The following LRAT variants were observed in gnomAD, a reference collection of about 807,000 sequenced individuals.
The protein encoded by LRAT is lecithin retinol acyltransferase (phosphatidylcholine--retinol O-acyltransferase).
Under a neutral mutation model 14.2 loss-of-function variants are expected in LRAT, and 11 were observed. That is an observed-to-expected ratio of 0.78 (90% CI 0.49 to 1.29). The LOEUF is 1.29. Among genes scored for constraint, LRAT ranks in the 50% most tolerant of loss-of-function variants. The probability of loss-of-function intolerance (pLI) is 0.00; values close to 1 mark genes in which losing one functional copy is unlikely to be tolerated. For synonymous variants in LRAT, 144 were observed against 124.8 expected, an observed-to-expected ratio of 1.15 and a Z score of -1.03; for missense variants, 274 against 292.4, an observed-to-expected ratio of 0.94 and a Z score of 0.46.
Position 154,744,154 on chromosome 4 carries a change from C to T in LRAT, c.-70C>T, listed in dbSNP as rs1004214159. 2 of 663,674 alleles carry T rather than the reference C, an allele frequency of 3.0e-6. No homozygotes were observed. The highest frequency in any genetic ancestry group is 2.6e-6 in the Non-Finnish European group (1 of 381,584). The allele number at this position is 663,674 out of a possible 1,614,324, so 41.1% of individuals were successfully genotyped here. A position where few individuals can be genotyped will look rare whatever the true frequency, so the allele number is the denominator to read the frequency against. ...CTTGGCTGAGCCGGTCGCCAGGCCT[C>T]GCTGTCCTCCTTTGCCTTCCTCTCT... On this transcript the variant is annotated 5_prime_UTR_variant, in exon 1 of 3. Transcript: ENST00000336356.
upstream of LRAT, among the ~76,000 whole-genome samples, chr4:154,743,703 G>T (rs1009599064): frequency 5.9e-5 from 9 of 152,068 alleles, no homozygotes; most frequent in African/African-American, 2.2e-4. Flanking sequence ...ACTCGCCCCA[G>T]TCCCGACAGG....
chr4:154,745,918 A>G (rs1168986790), intron 2 of LRAT, among the ~76,000 whole-genome samples: 1 of 152,184 alleles, frequency 6.6e-6, no homozygotes, highest in Non-Finnish European at 1.5e-5. Flanking sequence ...GGTAGATTAC[A>G]TTGTTTATGG....
chr4:154,741,055 A>C (rs1257619748), upstream of LRAT, among the ~76,000 whole-genome samples: 1 of 152,202 alleles, frequency 6.6e-6, no homozygotes, highest in African/African-American at 2.4e-5. Context: ...TAAGCCTATT[A>C]GTGTGTAAAC....
upstream of LRAT, among the ~76,000 whole-genome samples, chr4:154,743,393 C>T (rs965416985): frequency 6.6e-6 from 1 of 151,936 alleles, no homozygotes; most frequent in African/African-American, 2.4e-5. Flanking sequence ...ACTTGGGAGG[C>T]TGAGGCACGA....
intron 2 of LRAT, among the ~76,000 whole-genome samples, chr4:154,746,893 TAACA>T (rs762841342): frequency 2.0e-5 from 3 of 152,116 alleles, no homozygotes; most frequent in Non-Finnish European, 4.4e-5. Context: ...TTGAATGGTC[TAACA>T]AACAATTTGG....
Position 154,748,035 on chromosome 4 carries a change from C to T in LRAT, c.541-949C>T, listed in dbSNP as rs572902349. ...CCTAAAAGAACATAAAATGCCATGT[C>T]TAGAAACAGAGCTTAAAATTAGTAT... On this transcript the variant is annotated intron_variant, in intron 2 of 2. Transcript: ENST00000336356. 2.6e-5 allele frequency among the ~76,000 whole-genome samples: 4 copies of T among 152,178 alleles called. No homozygotes were observed. In the South Asian group the frequency reaches 8.3e-4, roughly 32 times the overall value.
upstream of LRAT, among the ~76,000 whole-genome samples, chr4:154,741,804 A>G (rs1451007841): frequency 6.6e-6 from 1 of 152,218 alleles, no homozygotes; most frequent in Non-Finnish European, 1.5e-5. Flanking sequence ...TTTTATATAC[A>G]TAAAAGAATT....
At chr4:154,748,108 C>A in intron 2 of LRAT, 2 of 407,710 alleles carry the variant, frequency 4.9e-6, no homozygotes, top group Non-Finnish European at 6.6e-6. Flanking sequence ...TGCATTCTGG[C>A]ATCAACGGCA....
chr4:154,742,696 C>G (rs955704961), upstream of LRAT, among the ~76,000 whole-genome samples: 11 of 152,256 alleles, frequency 7.2e-5, no homozygotes, highest in East Asian at 1.2e-3. Context: ...CGTGCCAAGC[C>G]TGGCGCGGCC....
In LRAT at chr4:154,749,125, A is replaced by G. The variant is rs1222136986; in HGVS notation, c.682A>G (p.Met228Val). 1.9e-6 allele frequency: 3 copies of G among 1,613,512 alleles called. No individual in the cohort carries two copies. In the South Asian group the frequency reaches 3.3e-5, roughly 18 times the overall value. ...AATTTTTATTCCATTCTTCCTATGG[A>G]TGGCTGGCTAACTTCATACCCCCAT... ...PAIFIPFFLW[M>V]AG Residue 228 changes from methionine (M) to valine (V), a missense_variant, in exon 3 of 3, where the codon ATG becomes GTG. Coordinates refer to ENST00000336356, the MANE Select transcript of LRAT (RefSeq NM_004744.5).
At position 154,750,766 on chromosome 4, in the gene LRAT, C is replaced by A. The variant is rs1194909491; in HGVS notation, c.*1630C>A. 1 of 152,110 alleles carries A rather than the reference C, an allele frequency of 6.6e-6. No individual in the cohort carries two copies. The highest frequency in any genetic ancestry group is 1.5e-5 in the Non-Finnish European group (1 of 68,004). 9.4% of individuals were successfully genotyped at this position (152,110 alleles called of 1,614,324 possible). A position where few individuals can be genotyped will look rare whatever the true frequency, so the allele number is the denominator to read the frequency against. Reference sequence around the variant, plus strand: ...CTTAAGTATGCATACATAAAAGCAACCACTATGAGAACTACCGTGTTAGTG... The same window carrying A: ...CTTAAGTATGCATACATAAAAGCAAACACTATGAGAACTACCGTGTTAGTG... On this transcript the variant is annotated 3_prime_UTR_variant, in exon 3 of 3. Coordinates refer to ENST00000336356, the MANE Select transcript of LRAT (RefSeq NM_004744.5).
upstream of LRAT, among the ~76,000 whole-genome samples, chr4:154,742,461 C>T (rs1560869215): frequency 6.6e-6 from 1 of 152,148 alleles, no homozygotes; most frequent in African/African-American, 2.4e-5. Context: ...TCCCTCACGC[C>T]TGGTCTCTAT....
In LRAT at chr4:154,744,127, G is replaced by T; in HGVS notation, c.-97G>T. The stretch of plus-strand genomic sequence containing the variant: ...CCTTATCCGTCTCATTCCCCATTGT[G>T]GCTTGGCTGAGCCGGTCGCCAGGCC... On this transcript the variant is annotated 5_prime_UTR_variant, in exon 1 of 3. Transcript: ENST00000336356. 1 of 615,440 alleles carries T rather than the reference G, an allele frequency of 1.6e-6. No individual in the cohort carries two copies. The allele number at this position is 615,440 out of a possible 1,614,324, so 38.1% of individuals were successfully genotyped here.
chr4:154,744,483 G>A lies in LRAT; in HGVS notation c.157G>A (p.Val53Met). The A allele has an allele frequency of 2.5e-6, 4 of 1,614,070 alleles. No homozygotes were observed. The highest frequency in any genetic ancestry group is 3.4e-6 in the Non-Finnish European group (4 of 1,180,020). Residue 53 changes from valine to methionine, a missense_variant, in exon 2 of 3, where the codon GTG (valine) becomes ATG (methionine). Coordinates refer to ENST00000336356, the MANE Select transcript of LRAT (RefSeq NM_004744.5). ...TTTCCACCGAGGCGACGTGCTGGAG[G>A]TGCCCCGGACCCACCTGACCCACTA... is the stretch of plus-strand genomic sequence containing the variant. The part of the protein sequence containing the change: ...SSFHRGDVLE[V>M]PRTHLTHYGI...
At chr4:154,742,744 G>A (rs1732791024), upstream of LRAT, among the ~76,000 whole-genome samples, 1 of 152,168 alleles carries the variant, frequency 6.6e-6, no homozygotes, top group Non-Finnish European at 1.5e-5. Flanking sequence ...AGCTCCCTAG[G>A]ACCACCCTCG....
upstream of LRAT, among the ~76,000 whole-genome samples, chr4:154,743,787 A>G (rs1410265491): frequency 6.6e-6 from 1 of 151,978 alleles, no homozygotes; most frequent in African/African-American, 2.4e-5. Flanking sequence ...CAGTAGTGCA[A>G]CCGGGATCCC....
Position 154,744,347 on chromosome 4 carries a change from G to A in LRAT, c.21G>A (p.Glu7=). MKNPML[E]VVSLLLEKLL... ...GCAGGATGAAGAACCCCATGCTGGA[G>A]GTGGTGTCTTTACTACTGGAGAAGC... Residue 7 remains glutamate, a synonymous_variant, in exon 2 of 3, where the codon GAG becomes GAA. Coordinates refer to ENST00000336356, the MANE Select transcript of LRAT (RefSeq NM_004744.5). The A allele has an allele frequency of 6.2e-7, 1 of 1,614,184 alleles. No individual in the cohort carries two copies.
In LRAT at chr4:154,750,961, A is replaced by G. The variant is rs1377132150; in HGVS notation, c.*1825A>G. ...GTTCAAAGATGAAGACCCCTCATTA[A>G]AAGCCAAGGACGTTCTTAAGATTGG... is the stretch of plus-strand genomic sequence containing the variant. On this transcript the variant is annotated 3_prime_UTR_variant, in exon 3 of 3. Coordinates refer to ENST00000336356, the MANE Select transcript of LRAT (RefSeq NM_004744.5). 1 of 152,230 alleles carries G rather than the reference A, an allele frequency of 6.6e-6. No homozygotes were observed. Among genetic ancestry groups the G allele is most frequent in the African/African-American group, 2.4e-5 (1 of 41,468 alleles). 9.4% of individuals were successfully genotyped at this position (152,230 alleles called of 1,614,324 possible).
chr4:154,741,700 G>A (rs1732770994), upstream of LRAT, among the ~76,000 whole-genome samples: 1 of 152,128 alleles, frequency 6.6e-6, no homozygotes, highest in East Asian at 1.9e-4. Flanking sequence ...AATCAGCTTG[G>A]CACTGCTTGC....
Sources: allele counts gnomAD v4.1 joint callset (sites outside exome capture counted in the v4.1 genomes callset), GRCh38; gene constraint gnomAD v4.1.1; transcripts MANE v1.5; gene names NCBI Gene and HGNC (gene_info 2026-07-23, HGNC 2026-07-21).